SMC4: variants seen among roughly 807,000 people sequenced by gnomAD.
The protein encoded by SMC4 is structural maintenance of chromosomes protein 4.
In SMC4, 87 loss-of-function variants were observed where a neutral mutation model predicts 145.6. The ratio of observed to expected loss-of-function variants is 0.60; its 90% CI spans 0.50 to 0.71. The LOEUF (loss-of-function observed/expected upper bound fraction) is 0.71, where lower values mean the gene tolerates loss of function less well. SMC4 is among the 30% of genes least tolerant of loss of function. The pLI, the probability that SMC4 is intolerant of heterozygous loss-of-function variation, is 0.00. For synonymous variants in SMC4, 558 were observed against 500.7 expected, an observed-to-expected ratio of 1.11 and a Z score of -1.53; for missense variants, 1,447 against 1,537.1, an observed-to-expected ratio of 0.94 and a Z score of 0.98.
intron 22 of SMC4, 38 bp from the exon 23 acceptor site, chr3:160,432,988 T>C (rs527569146): frequency 8.9e-5 from 128 of 1,434,700 alleles, no homozygotes; most frequent in Non-Finnish European, 1.2e-4. Context: ...ACTTTAGCTT[T>C]ACAGGTAATT....
At chr3:160,401,767 G>A in intron 2 of SMC4, 148 bp from the exon 3 acceptor site, 2 of 612,346 alleles carry the variant, frequency 3.3e-6, no homozygotes, top group Non-Finnish European at 5.6e-6. Context: ...TATTTAAGTG[G>A]AAAATATAGA....
chr3:160,412,620 G>A, intron 7 of SMC4, 167 bp downstream of exon 7: 11 of 1,222,660 alleles, frequency 9.0e-6, no homozygotes, highest in African/African-American at 3.1e-5. Flanking sequence ...CCAGCACTTT[G>A]GGAGGCTAAG....
intron 5 of SMC4, among the ~76,000 whole-genome samples, chr3:160,409,032 C>G (rs1715658754): frequency 6.6e-6 from 1 of 151,606 alleles, no homozygotes; most frequent in Non-Finnish European, 1.5e-5. Context: ...TTTGGGAGGC[C>G]CAGACGGGCG....
chr3:160,413,661 C>T (rs752353993), intron 8 of SMC4, 48 bp downstream of exon 8: 4 of 1,027,074 alleles, frequency 3.9e-6, no homozygotes, highest in Non-Finnish European at 5.5e-6. Flanking sequence ...AATTGTATTA[C>T]ATGTGTATTT....
chr3:160,414,645 C>T (rs1481292924), intron 9 of SMC4, 128 bp downstream of exon 9: 1 of 986,824 alleles, frequency 1.0e-6, no homozygotes, highest in Non-Finnish European at 1.5e-6. Context: ...AGGTTTGTCT[C>T]TGAACATGAT....
Position 160,401,835 on chromosome 3 carries a change from T to A in SMC4, c.140-80T>A, listed in dbSNP as rs535067141. On this transcript the variant is annotated intron_variant, in intron 2 of 23. Transcript: ENST00000357388. ...CCCTACTTTAAAGATGGGCAGTCATTAGTTCTCCGAACTAATTGCACTAAT... is the reference window on the plus strand; with the variant it reads ...CCCTACTTTAAAGATGGGCAGTCATAAGTTCTCCGAACTAATTGCACTAAT... 8.5e-5 allele frequency: 90 copies of A among 1,059,994 alleles called. 4 individuals carry two copies. In the South Asian group the frequency reaches 1.3e-3, roughly 15 times the overall value. 65.7% of individuals were successfully genotyped at this position (1,059,994 alleles called of 1,614,324 possible). A position where few individuals can be genotyped will look rare whatever the true frequency, so the allele number is the denominator to read the frequency against.
intron 19 of SMC4, 75 bp downstream of exon 19, chr3:160,430,818 G>A (rs1718323627): frequency 1.3e-6 from 2 of 1,491,728 alleles, no homozygotes; most frequent in South Asian, 2.7e-5. Context: ...ATATGACAGT[G>A]CCTAGAATGT....
At chr3:160,405,935 G>A (rs181477559) in intron 5 of SMC4, among the ~76,000 whole-genome samples, 2 of 151,926 alleles carry the variant, frequency 1.3e-5, no homozygotes, top group East Asian at 3.9e-4. Context: ...ATCTTTTACC[G>A]TCATCCTGGG....
At chr3:160,404,547 C>CT (rs745458648) in intron 5 of SMC4, 43 bp downstream of exon 5, 21 of 1,584,892 alleles carry the variant, frequency 1.3e-5, no homozygotes, top group Admixed American at 1.7e-5. Context: ...ATTCTTGTTA[C>CT]TTTTTTTTCT....
At chr3:160,419,037 T>C (rs945663985) in intron 11 of SMC4, among the ~76,000 whole-genome samples, 6 of 152,244 alleles carry the variant, frequency 3.9e-5, no homozygotes, top group East Asian at 1.9e-4. Context: ...GGCACACTTA[T>C]GTATAACTAT....
rs1247376740 is a variant in SMC4 at position 160,432,329 on chromosome 3, A to T, written c.3344A>T (p.Tyr1115Phe). 6.2e-7 allele frequency: 1 copy of T among 1,612,542 alleles called. No individual in the cohort carries two copies. The highest frequency in any genetic ancestry group is 8.5e-7 in the Non-Finnish European group (1 of 1,179,696). The stretch of plus-strand genomic sequence containing the variant: ...GTAGCAGAATTGGACAAAATTACTT[A>T]TGAAAGAGACAGTTTTAGACAGGCA... ...QRVAELDKIT[Y>F]ERDSFRQAYE... Residue 1115 changes from tyrosine (Y) to phenylalanine (F), a missense_variant, in exon 22 of 24, where the codon TAT becomes TTT. By Grantham distance (22) the Tyr-to-Phe change is conservative. Transcript: ENST00000357388.
chr3:160,406,965 T>C (rs1715404127), intron 5 of SMC4, among the ~76,000 whole-genome samples: 1 of 152,212 alleles, frequency 6.6e-6, no homozygotes, highest in East Asian at 1.9e-4. Flanking sequence ...CATTTTCTTT[T>C]ATATATACCT....
chr3:160,406,323 A>C (rs1043541091), intron 5 of SMC4, among the ~76,000 whole-genome samples: 1 of 152,188 alleles, frequency 6.6e-6, no homozygotes, highest in Non-Finnish European at 1.5e-5. Flanking sequence ...TAGGAATAAG[A>C]AACAGGGATT....
rs1285114817 is a variant in SMC4, at chr3:160,400,942, C to T, written c.116C>T (p.Thr39Met). ...DAEPEPPSGR[T>M]ESPATAAETA... ...GAGCCTGAGCCGCCGTCCGGCCGCA[C>T]GGAGAGCCCAGCCACCGCCGCAGGT... Residue 39 changes from threonine (T) to methionine (M), a missense_variant, in exon 2 of 24, where the codon ACG becomes ATG. Coordinates refer to ENST00000357388, the MANE Select transcript of SMC4 (RefSeq NM_001002800.3). 1.4e-6 allele frequency: 2 copies of T among 1,457,114 alleles called. No homozygotes were observed. The highest frequency in any genetic ancestry group is 1.3e-5 in the South Asian group (1 of 74,230). 90.3% of individuals were successfully genotyped at this position (1,457,114 alleles called of 1,614,324 possible). A position where few individuals can be genotyped will look rare whatever the true frequency, so the allele number is the denominator to read the frequency against.
In SMC4 at chr3:160,425,416, A is replaced by G. The variant is rs544598419; in HGVS notation, c.2478+397A>G. 1.2e-4 allele frequency among the ~76,000 whole-genome samples: 18 copies of G among 152,218 alleles called. No homozygotes were observed. In the South Asian group the frequency reaches 3.5e-3, roughly 30 times the overall value. ...CCTTCATTTTGACGTATGTTCTTTC[A>G]ACTTTTCTAATACCTAGTTTGCATG... On this transcript the variant is annotated intron_variant, in intron 16 of 23. Coordinates refer to ENST00000357388, the MANE Select transcript of SMC4 (RefSeq NM_001002800.3).
At position 160,405,946 on chromosome 3, in the gene SMC4, A is replaced by T. The variant is rs144880629; in HGVS notation, c.687+1442A>T. ...CTTAATCTTTTACCGTCATCCTGGG[A>T]TAATCAAAGTTTTACATTTATCCAA... is the stretch of plus-strand genomic sequence containing the variant. On this transcript the variant is annotated intron_variant, in intron 5 of 23. Coordinates refer to ENST00000357388, the MANE Select transcript of SMC4 (RefSeq NM_001002800.3). Among the ~76,000 whole-genome samples the T allele has an allele frequency of 3.2e-3, 481 of 152,112 alleles. 2 individuals carry two copies. The highest frequency in any genetic ancestry group is 0.011 in the African/African-American group (462 of 41,546).
At position 160,429,156 on chromosome 3, in the gene SMC4, G is replaced by GGAAA. The variant is rs1718103923; in HGVS notation, c.2795+216_2795+219dup. Reference sequence around the variant, plus strand: ...AAGGCTGGTAAACAGGTATGCCATAGGAAAGTACAGGTAGACTGTAACTCC... The same window carrying GGAAA: ...AAGGCTGGTAAACAGGTATGCCATAGGAAAGAAAGTACAGGTAGACTGTAACTCC... On this transcript the variant is annotated intron_variant, in intron 18 of 23. Transcript: ENST00000357388. Among the ~76,000 whole-genome samples the GGAAA allele has an allele frequency of 2.0e-5, 3 of 152,032 alleles. No homozygotes were observed. The South Asian group carries it at 6.2e-4, about 31-fold the overall frequency.
intron 5 of SMC4, among the ~76,000 whole-genome samples, chr3:160,407,286 C>T (rs1030025295): frequency 4.6e-5 from 7 of 152,178 alleles, no homozygotes; most frequent in African/African-American, 1.7e-4. Flanking sequence ...GGTGCATTAG[C>T]TCACGCCTAT....
At chr3:160,431,506 C>A in intron 20 of SMC4, 137 bp from the exon 21 acceptor site, 1 of 730,798 alleles carries the variant, frequency 1.4e-6, no homozygotes, top group South Asian at 2.1e-5. Flanking sequence ...TTCTTGAAGT[C>A]CTTTGAAAAA....
Sources: allele counts gnomAD v4.1 joint callset (sites outside exome capture counted in the v4.1 genomes callset), GRCh38; gene constraint gnomAD v4.1.1; transcripts MANE v1.5; gene names NCBI Gene and HGNC (gene_info 2026-07-23, HGNC 2026-07-21).